The following STIM1 variants were observed in gnomAD, a reference collection of about 807,000 sequenced individuals.
STIM1 encodes stromal interaction molecule 1.
Under a neutral mutation model 74.7 loss-of-function variants are expected in STIM1, and 25 were observed. That is an observed-to-expected ratio of 0.33 (90% CI 0.24 to 0.47). The LOEUF (loss-of-function observed/expected upper bound fraction) is 0.47. Ranked by LOEUF, STIM1 falls within the 20% of genes least tolerant of loss-of-function variation. STIM1 has a pLI of 1.00. For missense variants in STIM1, 728 were observed against 920.8 expected (o/e 0.79, Z 2.71); for synonymous variants, 328 against 348.8 (o/e 0.94, Z 0.66).
At chr11:4,073,962 A>C (rs916308067) in intron 6 of STIM1, among the ~76,000 whole-genome samples, 1 of 152,092 alleles carries the variant, frequency 6.6e-6, no homozygotes, top group Non-Finnish European at 1.5e-5. Flanking sequence ...CACCCCAGTC[A>C]TTTCTCAGCC....
intron 1 of STIM1, among the ~76,000 whole-genome samples, chr11:3,873,482 T>G (rs10160753): frequency 0.35 from 53,548 of 150,862 alleles, 10,335 homozygotes; most frequent in South Asian, 0.48. Context: ...GCCCAGGCTG[T>G]TCTTGAACTC....
At chr11:4,052,679 C>T (rs2094253232) in intron 3 of STIM1, among the ~76,000 whole-genome samples, 1 of 152,164 alleles carries the variant, frequency 6.6e-6, no homozygotes, top group African/African-American at 2.4e-5. Context: ...TAGGCATGGG[C>T]AAGGACTTCA....
At position 3,856,067 on chromosome 11, in the gene STIM1, A is replaced by G. The variant is rs1049418343; in HGVS notation, c.-204A>G. On this transcript the variant is annotated 5_prime_UTR_variant, in exon 1 of 13. Transcript: ENST00000526596. ...CCCGGCGGACCCACTGTTGGACCTG[A>G]GGAGCCAGCCCTCCTCCCGCACCCA... The G allele has an allele frequency of 1.6e-6, 1 of 623,898 alleles. No individual in the cohort carries two copies. The highest frequency in any genetic ancestry group is 2.8e-6 in the Non-Finnish European group (1 of 353,640). 38.6% of individuals were successfully genotyped at this position (623,898 alleles called of 1,614,324 possible).
intron 3 of STIM1, among the ~76,000 whole-genome samples, chr11:4,030,268 G>A (rs1359958493): frequency 6.6e-6 from 1 of 150,848 alleles, no homozygotes; most frequent in Non-Finnish European, 1.5e-5. Context: ...TATGGAGGTT[G>A]CAGTAAGCTG....
At chr11:3,884,198 T>A (rs2091622138) in intron 1 of STIM1, among the ~76,000 whole-genome samples, 1 of 152,168 alleles carries the variant, frequency 6.6e-6, no homozygotes, top group African/African-American at 2.4e-5. Flanking sequence ...TGTGCTTTGT[T>A]ACTTAGCAAA....
chr11:4,040,817 C>A (rs2959073), intron 3 of STIM1, among the ~76,000 whole-genome samples: 123,372 of 152,158 alleles, frequency 0.81, 51,956 homozygotes, highest in East Asian at 0.95. Context: ...TGGTTTCTCT[C>A]TTGGTGGTCT....
At chr11:4,089,937 A>C (rs2094513884) in intron 12 of STIM1, among the ~76,000 whole-genome samples, 1 of 152,142 alleles carries the variant, frequency 6.6e-6, no homozygotes, top group Non-Finnish European at 1.5e-5. Flanking sequence ...TGGCAGAGAG[A>C]GCACCTCCAT....
At chr11:3,991,105 C>T (rs2135848362) in intron 2 of STIM1, among the ~76,000 whole-genome samples, 1 of 151,944 alleles carries the variant, frequency 6.6e-6, no homozygotes, top group African/African-American at 2.4e-5. Context: ...TAATGGCATC[C>T]AGCTGCATTC....
At chr11:3,945,292 G>A (rs1031913461) in intron 1 of STIM1, among the ~76,000 whole-genome samples, 1 of 152,070 alleles carries the variant, frequency 6.6e-6, no homozygotes, top group Admixed American at 6.6e-5. Context: ...AAAATGTTGT[G>A]TAGGCTGGGC....
At chr11:4,008,248 G>A (rs1263474846) in intron 2 of STIM1, among the ~76,000 whole-genome samples, 1 of 152,066 alleles carries the variant, frequency 6.6e-6, no homozygotes, top group Non-Finnish European at 1.5e-5. Flanking sequence ...TAGCCTAGGA[G>A]CAATAGGCTA....
At chr11:3,892,997 T>C (rs1334654721) in intron 1 of STIM1, 9 of 675,012 alleles carry the variant, frequency 1.3e-5, no homozygotes, top group Non-Finnish European at 2.0e-5. Context: ...CTTGAACTCC[T>C]GAGCTCAAGC....
rs2412344 is a variant in STIM1, at chr11:4,086,354, T to G, written c.1568-123T>G. 9.1e-6 allele frequency: 10 copies of G among 1,101,988 alleles called. No homozygotes were observed. The Admixed American group carries it at 2.0e-4, about 22-fold the overall frequency. The allele number at this position is 1,101,988 out of a possible 1,614,324, so 68.3% of individuals were successfully genotyped here. On this transcript the variant is annotated intron_variant, in intron 11 of 12. Transcript: ENST00000526596. Reference sequence around the variant, plus strand: ...GAGGTTTCTGGGAGGAGGTGCCCCATTCTCCAGATTGGCATTAGAGGCCCA... The same window carrying G: ...GAGGTTTCTGGGAGGAGGTGCCCCAGTCTCCAGATTGGCATTAGAGGCCCA...
At chr11:3,916,451 T>A (rs2092644886) in intron 1 of STIM1, among the ~76,000 whole-genome samples, 4 of 36,106 alleles carry the variant, frequency 1.1e-4, no homozygotes, top group South Asian at 2.3e-3. Context: ...CCACACCCAA[T>A]TTTTTTTTTT....
chr11:3,914,713 T>C (rs2092617883), intron 1 of STIM1, among the ~76,000 whole-genome samples: 1 of 152,222 alleles, frequency 6.6e-6, no homozygotes, highest in African/African-American at 2.4e-5. Context: ...GTGCTGGGAC[T>C]ACAGGCGTGA....
chr11:4,025,834 G>A (rs2093993770), intron 3 of STIM1, among the ~76,000 whole-genome samples: 1 of 152,146 alleles, frequency 6.6e-6, no homozygotes, highest in African/African-American at 2.4e-5. Context: ...GAAAATGAAA[G>A]ACAATGGAGT....
chr11:3,870,501 T>C (rs2091041061), intron 1 of STIM1, among the ~76,000 whole-genome samples: 2 of 152,208 alleles, frequency 1.3e-5, no homozygotes, highest in South Asian at 4.1e-4. Flanking sequence ...TTTACTTTTT[T>C]TTGGTTTTGT....
chr11:3,918,310 A>G (rs2092674926), intron 1 of STIM1, among the ~76,000 whole-genome samples: 1 of 152,144 alleles, frequency 6.6e-6, no homozygotes, highest in African/African-American at 2.4e-5. Context: ...TGAGCCCAGG[A>G]GTTTGAGACC....
At chr11:4,011,672 T>A (rs1590646139) in intron 2 of STIM1, among the ~76,000 whole-genome samples, 1 of 152,206 alleles carries the variant, frequency 6.6e-6, no homozygotes, top group South Asian at 2.1e-4. Flanking sequence ...ATTCTATAGG[T>A]TGCCCGTTCG....
chr11:4,021,158 T>C (rs1400585810), intron 2 of STIM1, among the ~76,000 whole-genome samples: 1 of 152,088 alleles, frequency 6.6e-6, no homozygotes, highest in African/African-American at 2.4e-5. Flanking sequence ...GTGGTGGTTG[T>C]TGTTGTTGTT....
Sources: allele counts gnomAD v4.1 joint callset (sites outside exome capture counted in the v4.1 genomes callset), GRCh38; gene constraint gnomAD v4.1.1; transcripts MANE v1.5; gene names NCBI Gene and HGNC (gene_info 2026-07-23, HGNC 2026-07-21).